Variants in ZNF676 observed in about 807,000 individuals in gnomAD.
The protein encoded by ZNF676 is zinc finger protein 676.
ZNF676 carries 4 observed loss-of-function variants against 6.0 expected under a neutral mutation model. That is an observed-to-expected ratio of 0.67 (90% CI 0.33 to 1.53). The LOEUF (loss-of-function observed/expected upper bound fraction) is 1.53, where lower values mean the gene tolerates loss of function less well. ZNF676 is among the 40% of genes most tolerant of loss of function. ZNF676 has a pLI of 0.06. For synonymous variants in ZNF676, 198 were observed against 223.1 expected (o/e 0.89, Z 1.00); for missense variants, 644 against 679.7 (o/e 0.95, Z 0.58).
the ZNF676 span, among the ~76,000 whole-genome samples, chr19:22,242,578 G>T: frequency 9.2e-5 from 14 of 152,080 alleles, no homozygotes; most frequent in East Asian, 1.7e-3. Flanking sequence ...CAGGAGAAAA[G>T]ATTCACATAA....
Position 22,179,709 on chromosome 19 carries a change from C to A in ZNF676, c.*241G>T. ...CACATTCTTCGCATTTGTAGGGTTT[C>A]TCTCCAGTATGAATTCTCTTATGTT... On this transcript the variant is annotated 3_prime_UTR_variant, in exon 3 of 3. Coordinates refer to ENST00000397121, the MANE Select transcript of ZNF676 (RefSeq NM_001001411.3). 1.4e-6 allele frequency: 1 copy of A among 732,846 alleles called. No individual in the cohort carries two copies. Among genetic ancestry groups the A allele is most frequent in the South Asian group, 1.5e-5 (1 of 66,748 alleles). The allele number at this position is 732,846 out of a possible 1,614,324, so 45.4% of individuals were successfully genotyped here.
At chr19:22,202,282 G>T (rs965091422) in intron 1 of ZNF676, among the ~76,000 whole-genome samples, 1 of 152,022 alleles carries the variant, frequency 6.6e-6, no homozygotes, top group African/African-American at 2.4e-5. Flanking sequence ...ACAAGTCATT[G>T]AAAGAGGTAA....
the ZNF676 span, among the ~76,000 whole-genome samples, chr19:22,252,896 G>T: frequency 6.6e-6 from 1 of 152,210 alleles, no homozygotes; most frequent in African/African-American, 2.4e-5. Flanking sequence ...CTAGGCTGAG[G>T]TATATGTCAC....
chr19:22,182,985 C>T (rs2023782040), intron 2 of ZNF676, among the ~76,000 whole-genome samples: 1 of 151,962 alleles, frequency 6.6e-6, no homozygotes, highest in South Asian at 2.1e-4. Flanking sequence ...ATAAACTTAG[C>T]AACATCAGTG....
chr19:22,208,651 G>C (rs1322305712), intron 1 of ZNF676, among the ~76,000 whole-genome samples: 1 of 152,198 alleles, frequency 6.6e-6, no homozygotes, highest in Non-Finnish European at 1.5e-5. Flanking sequence ...ACTGGATACA[G>C]AAAATACGGT....
the ZNF676 span, chr19:22,244,537 T>A: frequency 6.6e-6 from 1 of 152,178 alleles, no homozygotes. Context: ...AAGAGTCACA[T>A]CACCTGGGTG....
upstream of ZNF676, among the ~76,000 whole-genome samples, chr19:22,199,482 T>C (rs1026226915): frequency 6.6e-6 from 1 of 152,250 alleles, no homozygotes; most frequent in Non-Finnish European, 1.5e-5. Flanking sequence ...ATGTGCTCAA[T>C]AGGATGTTAG....
chr19:22,233,427 A>G, the ZNF676 span, among the ~76,000 whole-genome samples: 1 of 152,166 alleles, frequency 6.6e-6, no homozygotes, highest in African/African-American at 2.4e-5. Context: ...CATTTTTTAA[A>G]AAGCTACCTG....
In ZNF676 at chr19:22,180,230, T is replaced by C; in HGVS notation, c.1487A>G (p.Lys496Arg). 8.1e-6 allele frequency: 13 copies of C among 1,613,894 alleles called. No individual in the cohort carries two copies. Among genetic ancestry groups the C allele is most frequent in the Non-Finnish European group, 1.1e-5 (13 of 1,179,928 alleles). The change falls in exon 3 of 3, where the codon AAG becomes AGG. Residue 496 changes from lysine to arginine, a missense_variant. Physicochemically the swap from Lys to Arg is conservative, Grantham distance 26 (BLOSUM62 2). Around this residue, in one of 5 missense-constraint regions of ZNF676, gnomAD observed 306 missense variants for 265.4 expected, o/e 1.15. Transcript: ENST00000397121. The part of the protein sequence containing the change: ...FSTFSILTKH[K>R]IIHTGEKRYK... Reference sequence around the variant, plus strand: ...GCGTTTCTCTCCAGTATGAATTATCTTATGTTTAGTAAGGATTGAGAACGT... The same window carrying C: ...GCGTTTCTCTCCAGTATGAATTATCCTATGTTTAGTAAGGATTGAGAACGT...
chr19:22,257,109 T>C, the ZNF676 span, among the ~76,000 whole-genome samples: 1 of 152,042 alleles, frequency 6.6e-6, no homozygotes, highest in Admixed American at 6.6e-5. Context: ...GACAGGAATA[T>C]GTTGCAATCT....
chr19:22,255,110 C>T, the ZNF676 span, among the ~76,000 whole-genome samples: 1 of 152,172 alleles, frequency 6.6e-6, no homozygotes, highest in Non-Finnish European at 1.5e-5. Context: ...AATCCTCAAT[C>T]CCTCCCATGA....
At chr19:22,216,437 A>G (rs2024191175), upstream of ZNF676, among the ~76,000 whole-genome samples, 1 of 150,608 alleles carries the variant, frequency 6.6e-6, no homozygotes, top group African/African-American at 2.4e-5. Context: ...CGCCAGCTCA[A>G]AAACATGGGC....
At chr19:22,240,432 T>C in the ZNF676 span, among the ~76,000 whole-genome samples, 392 of 151,662 alleles carry the variant, frequency 2.6e-3, 1 homozygote, top group African/African-American at 9.2e-3. Flanking sequence ...GTGAGCAGGG[T>C]CCAGGCAGGA....
intron 1 of ZNF676, among the ~76,000 whole-genome samples, chr19:22,195,155 G>A (rs117584192): frequency 0.012 from 1,793 of 152,254 alleles, 30 homozygotes; most frequent in Non-Finnish European, 0.016. Context: ...TCCACAAAAG[G>A]AGAAATGAGG....
the ZNF676 span, among the ~76,000 whole-genome samples, chr19:22,230,817 C>T: frequency 6.6e-6 from 1 of 151,774 alleles, no homozygotes; most frequent in Non-Finnish European, 1.5e-5. Flanking sequence ...CGCCACCACA[C>T]CCGGCTAATT....
chr19:22,214,977 C>T (rs2024167783), intron 1 of ZNF676, among the ~76,000 whole-genome samples: 3 of 145,040 alleles, frequency 2.1e-5, no homozygotes, highest in Admixed American at 7.1e-5. Context: ...GGAGGCGGAG[C>T]TTCCAGTGAG....
chr19:22,229,298 T>C, the ZNF676 span, among the ~76,000 whole-genome samples: 1 of 152,222 alleles, frequency 6.6e-6, no homozygotes, highest in Non-Finnish European at 1.5e-5. Context: ...TGGCTAGCCA[T>C]ATGCAGAAAA....
At chr19:22,212,199 C>CAAAAA (rs34421901) in intron 1 of ZNF676, among the ~76,000 whole-genome samples, 6 of 119,114 alleles carry the variant, frequency 5.0e-5, no homozygotes, top group South Asian at 2.6e-4. Flanking sequence ...GATTCTGTCT[C>CAAAAA]AAAAAAAAAA....
the ZNF676 span, among the ~76,000 whole-genome samples, chr19:22,237,634 A>G: frequency 6.6e-6 from 1 of 152,204 alleles, no homozygotes; most frequent in Non-Finnish European, 1.5e-5. Flanking sequence ...GGAGGCCATC[A>G]CAGTTGCCTC....
Sources: allele counts gnomAD v4.1 joint callset (sites outside exome capture counted in the v4.1 genomes callset), GRCh38; gene constraint gnomAD v4.1.1; regional missense constraint gnomAD v4.1.1; transcripts MANE v1.5; gene names NCBI Gene and HGNC (gene_info 2026-07-23, HGNC 2026-07-21).